The following IRAK2 variants were observed in gnomAD, a reference collection of about 807,000 sequenced individuals.
IRAK2 encodes the protein interleukin-1 receptor-associated kinase-like 2.
In IRAK2, 57 loss-of-function variants were observed where a neutral mutation model predicts 72.0. The ratio of observed to expected loss-of-function variants is 0.79; its 90% confidence interval spans 0.64 to 0.99. IRAK2 has a LOEUF of 0.99. Among genes scored for constraint, IRAK2 ranks in the 50% least tolerant of loss-of-function variants. The pLI, the probability that IRAK2 is intolerant of heterozygous loss-of-function variation, is 0.00. For synonymous variants in IRAK2, 293 were observed against 312.7 expected, an observed-to-expected ratio of 0.94 and a Z score of 0.67; for missense variants, 790 against 794.4, an observed-to-expected ratio of 0.99 and a Z score of 0.07.
At chr3:10,171,769 CT>C (rs145535598) in intron 1 of IRAK2, among the ~76,000 whole-genome samples, 4,763 of 137,990 alleles carry the variant, frequency 0.035, 247 homozygotes, top group African/African-American at 0.12. Flanking sequence ...TGCACCCAGC[CT>C]TTTTTTTTTT....
At chr3:10,171,377 A>C (rs1696792356) in intron 1 of IRAK2, among the ~76,000 whole-genome samples, 1 of 152,116 alleles carries the variant, frequency 6.6e-6, no homozygotes, top group Admixed American at 6.6e-5. Flanking sequence ...TGAGAGGCTT[A>C]GGAGACTCAG....
intron 2 of IRAK2, among the ~76,000 whole-genome samples, chr3:10,191,722 G>T (rs1319270392): frequency 1.3e-5 from 2 of 152,034 alleles, no homozygotes; most frequent in African/African-American, 4.8e-5. Flanking sequence ...AGCTTTTCCT[G>T]GCCAGCCTAT....
intron 7 of IRAK2, among the ~76,000 whole-genome samples, 200 bp downstream of exon 7, chr3:10,217,248 C>T (rs910265664): frequency 1.4e-4 from 21 of 151,852 alleles, no homozygotes; most frequent in Non-Finnish European, 2.2e-4. Context: ...AAAATTGGAA[C>T]GATACAGAGA....
At chr3:10,195,417 G>A (rs1044255445) in intron 2 of IRAK2, among the ~76,000 whole-genome samples, 23 of 152,238 alleles carry the variant, frequency 1.5e-4, no homozygotes, top group African/African-American at 5.3e-4. Context: ...TTAGCTGGGC[G>A]TGGTGTTGCC....
intron 2 of IRAK2, among the ~76,000 whole-genome samples, chr3:10,199,768 G>A (rs1326088049): frequency 2.0e-5 from 3 of 152,102 alleles, no homozygotes; most frequent in East Asian, 1.9e-4. Context: ...AAGGGAGACC[G>A]AGAGGAGGAA....
In IRAK2 at chr3:10,185,345, G is replaced by A. The variant is rs368524949; in HGVS notation, c.277+7325G>A. ...GGCCCAGGCAGGCGGATCACCTGAG[G>A]TCGGGAGTTCGGGACCAGCCTGACC... On this transcript the variant is annotated intron_variant, in intron 2 of 12. Coordinates refer to ENST00000256458, the MANE Select transcript of IRAK2 (RefSeq NM_001570.4). Among the ~76,000 whole-genome samples the A allele has an allele frequency of 1.6e-4, 24 of 150,540 alleles. No homozygotes were observed. The East Asian group carries it at 4.8e-3, about 30-fold the overall frequency.
intron 2 of IRAK2, among the ~76,000 whole-genome samples, chr3:10,184,723 G>GTTTTTTT (rs55839723): frequency 9.8e-5 from 10 of 102,022 alleles, no homozygotes; most frequent in South Asian, 8.1e-4. Context: ...GTTTTTGTGT[G>GTTTTTTT]TTTTTTTTTT....
chr3:10,237,887 TTTGTTA>T (rs1417199937), intron 11 of IRAK2, among the ~76,000 whole-genome samples: 2 of 150,126 alleles, frequency 1.3e-5, no homozygotes, highest in African/African-American at 2.5e-5. Flanking sequence ...GGAGATGAGA[TTTGTTA>T]TTGTTATTAC....
At chr3:10,188,479 A>G (rs1346936893) in intron 2 of IRAK2, among the ~76,000 whole-genome samples, 1 of 151,612 alleles carries the variant, frequency 6.6e-6, no homozygotes, top group Non-Finnish European at 1.5e-5. Context: ...GATTACAGGC[A>G]TGCACTACCA....
At position 10,197,984 on chromosome 3, in the gene IRAK2, C is replaced by G. The variant is rs562437594; in HGVS notation, c.278-2385C>G. 2.1e-4 allele frequency among the ~76,000 whole-genome samples: 31 copies of G among 146,686 alleles called. No homozygotes were observed. The East Asian group carries it at 2.7e-3, about 13-fold the overall frequency. On this transcript the variant is annotated intron_variant, in intron 2 of 12. Transcript: ENST00000256458. ...GGAGGCTGAGGAGGGCGGATCATGACGTCAGGAGATCGAGACCATCCTGGC... is the reference window on the plus strand; with the variant it reads ...GGAGGCTGAGGAGGGCGGATCATGAGGTCAGGAGATCGAGACCATCCTGGC...
intron 2 of IRAK2, among the ~76,000 whole-genome samples, chr3:10,184,792 C>A (rs1387143428): frequency 6.9e-6 from 1 of 144,006 alleles, no homozygotes; most frequent in Non-Finnish European, 1.5e-5. Flanking sequence ...TGCAGTGGCG[C>A]GATCTCGGCT....
intron 10 of IRAK2, among the ~76,000 whole-genome samples, chr3:10,232,919 C>T (rs1697881076): frequency 6.6e-6 from 1 of 152,044 alleles, no homozygotes; most frequent in Non-Finnish European, 1.5e-5. Flanking sequence ...TAAAAATTAG[C>T]CAAGTACAGT....
At position 10,177,870 on chromosome 3, in the gene IRAK2, C is replaced by A. The variant is rs538193208; in HGVS notation, c.127C>A (p.Arg43=). Residue 43 remains arginine, a synonymous_variant, in exon 2 of 13, where the codon CGG becomes AGG. Coordinates refer to ENST00000256458, the MANE Select transcript of IRAK2 (RefSeq NM_001570.4). The part of the protein sequence containing the change: ...SYVITDLTQL[R]KIKSMERVQG... ...CGTGATCACAGACCTGACCCAGCTG[C>A]GGAAGATCAAGTCCATGGAGCGGGT... 1 of 1,613,546 alleles carries A rather than the reference C, an allele frequency of 6.2e-7. No individual in the cohort carries two copies. The highest frequency in any genetic ancestry group is 2.2e-5 in the East Asian group (1 of 44,856).
intron 2 of IRAK2, among the ~76,000 whole-genome samples, chr3:10,178,511 G>A (rs1268462356): frequency 6.6e-6 from 1 of 151,992 alleles, no homozygotes; most frequent in Non-Finnish European, 1.5e-5. Flanking sequence ...GGTTACCTGT[G>A]GGGAGAGGAA....
intron 2 of IRAK2, among the ~76,000 whole-genome samples, chr3:10,192,023 A>AGT (rs56802078): frequency 0.37 from 50,287 of 135,592 alleles, 9,018 homozygotes; most frequent in Middle Eastern, 0.5. Context: ...TTGAGTTGGG[A>AGT]GTGTGTGTGT....
chr3:10,231,984 G>A (rs1167272320), intron 10 of IRAK2, among the ~76,000 whole-genome samples: 3 of 152,102 alleles, frequency 2.0e-5, no homozygotes, highest in Non-Finnish European at 4.4e-5. Flanking sequence ...AAAATTAGCC[G>A]GGCATGGTGG....
chr3:10,209,608 C>T lies in IRAK2; in HGVS notation c.444C>T (p.Ala148=), dbSNP rs1697486851. 1 of 1,566,656 alleles carries T rather than the reference C, an allele frequency of 6.4e-7. No individual in the cohort carries two copies. Among genetic ancestry groups the T allele is most frequent in the African/African-American group, 1.4e-5 (1 of 71,928 alleles). ...TTCCAGGGTCCTCTCCAGCCAGAGCCCACCAGCCGGCCTTTCTCCAGCCTC... is the reference window on the plus strand; with the variant it reads ...TTCCAGGGTCCTCTCCAGCCAGAGCTCACCAGCCGGCCTTTCTCCAGCCTC... ...FPGPGSSPAR[A]HQPAFLQPPE... is the part of the protein sequence containing the mutation. Residue 148 remains alanine, a synonymous_variant, in exon 4 of 13, where the codon GCC becomes GCT. Coordinates refer to ENST00000256458, the MANE Select transcript of IRAK2 (RefSeq NM_001570.4).
At chr3:10,186,967 CTT>C (rs61587063) in intron 2 of IRAK2, among the ~76,000 whole-genome samples, 26 of 138,666 alleles carry the variant, frequency 1.9e-4, no homozygotes, top group Non-Finnish European at 2.0e-4. Flanking sequence ...GCCCAGCTAA[CTT>C]TTTTTTTTTT....
At chr3:10,218,453 G>A (rs372921738) in intron 7 of IRAK2, among the ~76,000 whole-genome samples, 5,712 of 129,174 alleles carry the variant, frequency 0.044, 433 homozygotes, top group African/African-American at 0.15. Context: ...AAACCAAAAC[G>A]GTGATGATTT....
Sources: allele counts gnomAD v4.1 joint callset (sites outside exome capture counted in the v4.1 genomes callset), GRCh38; gene constraint gnomAD v4.1.1; transcripts MANE v1.5; gene names NCBI Gene and HGNC (gene_info 2026-07-23, HGNC 2026-07-21).